The following KIF26B variants were observed in gnomAD, a reference collection of about 807,000 sequenced individuals.
The protein encoded by KIF26B is kinesin-like protein KIF26B.
KIF26B carries 63 observed loss-of-function variants against 151.2 expected under a neutral mutation model. The ratio of observed to expected loss-of-function variants is 0.42; its 90% CI spans 0.34 to 0.51. KIF26B has a LOEUF of 0.51. KIF26B is among the 20% of genes least tolerant of loss of function. The probability of loss-of-function intolerance (pLI) is 0.07; values close to 1 mark genes in which losing one functional copy is unlikely to be tolerated. For synonymous variants in KIF26B, 1,357 were observed against 1,262.1 expected (o/e 1.08, Z -1.59); for missense variants, 2,813 against 2,913.6 (o/e 0.97, Z 0.79).
intron 2 of KIF26B, among the ~76,000 whole-genome samples, chr1:245,235,499 G>T (rs577123676): frequency 6.9e-6 from 1 of 145,358 alleles, no homozygotes; most frequent in African/African-American, 2.8e-5. Flanking sequence ...AGGCAGAGGT[G>T]GGGGGATCGC....
chr1:245,520,120 A>AGAGAGAGAGAGT (rs1418404586), intron 4 of KIF26B, among the ~76,000 whole-genome samples: 8 of 149,668 alleles, frequency 5.3e-5, no homozygotes, highest in Non-Finnish European at 7.5e-5. Context: ...TAACTGAGAG[A>AGAGAGAGAGAGT]GAGAGAGAGA....
chr1:245,354,393 C>T lies in KIF26B; in HGVS notation c.466-12441C>T, dbSNP rs141768910. On this transcript the variant is annotated intron_variant, in intron 2 of 14. Coordinates refer to ENST00000407071, the MANE Select transcript of KIF26B (RefSeq NM_018012.4). ...AAGAGGCAGAGATGCCAATGACAGG[C>T]TCTGTGACCAGCCTCGTAAGCCATG... Among the ~76,000 whole-genome samples, 547 of 152,328 alleles carry T rather than the reference C, an allele frequency of 3.6e-3. 2 individuals are homozygous for T. The highest frequency in any genetic ancestry group is 6.4e-3 in the South Asian group (31 of 4,822).
intron 2 of KIF26B, among the ~76,000 whole-genome samples, chr1:245,173,351 T>C (rs569767058): frequency 1.3e-4 from 19 of 148,224 alleles, no homozygotes; most frequent in Non-Finnish European, 2.4e-4. Context: ...GAGAGGTCAA[T>C]GTTATGTTGT....
rs1305077308 is a variant in KIF26B, at chr1:245,156,328, C to T, written c.110C>T (p.Pro37Leu). 4 of 1,547,492 alleles carry T rather than the reference C, an allele frequency of 2.6e-6. No homozygotes were observed. Among genetic ancestry groups the T allele is most frequent in the African/African-American group, 2.8e-5 (2 of 72,626 alleles). Residue 37 changes from proline (P) to leucine (L), a missense_variant, in exon 2 of 15, where the codon CCG becomes CTG. Pro to Leu is a moderately conservative substitution (Grantham distance 98). Transcript: ENST00000407071. ...ACCAAGCCCGCAGCGCCCTTCTCCC[C>T]GGAAAGCTGGTACCGGAAAGCATAC... ...SPTKPAAPFS[P>L]ESWYRKAYEE... is the part of the protein sequence containing the mutation.
intron 2 of KIF26B, among the ~76,000 whole-genome samples, chr1:245,360,268 C>G (rs899822856): frequency 6.6e-6 from 1 of 152,048 alleles, no homozygotes; most frequent in South Asian, 2.1e-4. Flanking sequence ...ATTGCAAAAG[C>G]GCCAAATCCT....
intron 2 of KIF26B, among the ~76,000 whole-genome samples, chr1:245,351,835 C>T (rs1672574885): frequency 6.6e-6 from 1 of 151,986 alleles, no homozygotes; most frequent in African/African-American, 2.4e-5. Flanking sequence ...TTGTAATACA[C>T]CATAAAGGTT....
At chr1:245,246,086 C>G (rs1193097716) in intron 2 of KIF26B, among the ~76,000 whole-genome samples, 1 of 121,326 alleles carries the variant, frequency 8.2e-6, no homozygotes, top group Non-Finnish European at 1.7e-5. Flanking sequence ...AGCGAGACTC[C>G]GTCTCAAAAA....
chr1:245,590,065 T>C (rs1194622771), intron 5 of KIF26B, among the ~76,000 whole-genome samples: 1 of 152,092 alleles, frequency 6.6e-6, no homozygotes, highest in African/African-American at 2.4e-5. Context: ...ATGAGTGAGC[T>C]TTACTCATGT....
chr1:245,457,478 A>G (rs1466259317), intron 4 of KIF26B, among the ~76,000 whole-genome samples: 1 of 152,264 alleles, frequency 6.6e-6, no homozygotes, highest in East Asian at 1.9e-4. Flanking sequence ...GAATGATATT[A>G]GAAAGATTTT....
chr1:245,176,188 G>A (rs1355412311), intron 2 of KIF26B, among the ~76,000 whole-genome samples: 1 of 151,872 alleles, frequency 6.6e-6, no homozygotes, highest in South Asian at 2.1e-4. Flanking sequence ...TAGTAGAGAC[G>A]GGGTTTCTCC....
intron 2 of KIF26B, among the ~76,000 whole-genome samples, chr1:245,280,120 C>T (rs552991815): frequency 6.6e-5 from 10 of 151,926 alleles, no homozygotes; most frequent in Non-Finnish European, 1.0e-4. Context: ...CCCCATTGGG[C>T]GCCCCATTTC....
chr1:245,590,856 A>T (rs2043280524), intron 5 of KIF26B, among the ~76,000 whole-genome samples: 3 of 149,482 alleles, frequency 2.0e-5, no homozygotes, highest in Admixed American at 2.0e-4. Flanking sequence ...TGCAGTGAGC[A>T]GAGCTCACAC....
intron 2 of KIF26B, among the ~76,000 whole-genome samples, chr1:245,266,118 T>C (rs535525974): frequency 8.5e-5 from 13 of 152,086 alleles, no homozygotes; most frequent in Non-Finnish European, 1.6e-4. Flanking sequence ...AAGAAAAAGA[T>C]ACTCAAAAGA....
At chr1:245,562,004 G>A (rs745674229) in intron 5 of KIF26B, among the ~76,000 whole-genome samples, 21 of 152,248 alleles carry the variant, frequency 1.4e-4, no homozygotes, top group Admixed American at 2.0e-4. Context: ...TTCTCCCAGG[G>A]CCGTTGCGGA....
rs145614762 is a variant in KIF26B, at chr1:245,707,736, C to T, written c.*5130C>T. On this transcript the variant is annotated 3_prime_UTR_variant, in exon 15 of 15. Transcript: ENST00000407071. Reference sequence around the variant, plus strand: ...GCTTAGTTCAAAATCTAAGCTGTTTCTGTAGTAAGCAGCCAAATGGGAAAG... The same window carrying T: ...GCTTAGTTCAAAATCTAAGCTGTTTTTGTAGTAAGCAGCCAAATGGGAAAG... The T allele has an allele frequency of 3.2e-4, 48 of 152,304 alleles. No homozygotes were observed. The highest frequency in any genetic ancestry group is 1.1e-3 in the African/African-American group (47 of 41,558). 9.4% of individuals were successfully genotyped at this position (152,304 alleles called of 1,614,324 possible). A position where few individuals can be genotyped will look rare whatever the true frequency, so the allele number is the denominator to read the frequency against.
intron 2 of KIF26B, among the ~76,000 whole-genome samples, chr1:245,350,813 A>G (rs1249860815): frequency 6.6e-6 from 1 of 152,168 alleles, no homozygotes; most frequent in Non-Finnish European, 1.5e-5. Context: ...AGACAATTCC[A>G]AGATCGCAGT....
chr1:245,618,695 T>C (rs2043621240), intron 9 of KIF26B, among the ~76,000 whole-genome samples: 1 of 135,138 alleles, frequency 7.4e-6, no homozygotes, highest in Non-Finnish European at 1.6e-5. Context: ...TGAGACAGAG[T>C]GCCACAGTGC....
chr1:245,341,020 T>G (rs1672321948), intron 2 of KIF26B, among the ~76,000 whole-genome samples: 1 of 152,114 alleles, frequency 6.6e-6, no homozygotes, highest in Non-Finnish European at 1.5e-5. Context: ...TATTGACACT[T>G]TTCATTTCTA....
chr1:245,399,500 GC>G (rs1357659634), intron 3 of KIF26B, among the ~76,000 whole-genome samples: 2 of 152,294 alleles, frequency 1.3e-5, no homozygotes, highest in Non-Finnish European at 2.9e-5. Flanking sequence ...CCGACTTATT[GC>G]CAAGGAGATC....
Sources: allele counts gnomAD v4.1 joint callset (sites outside exome capture counted in the v4.1 genomes callset), GRCh38; gene constraint gnomAD v4.1.1; transcripts MANE v1.5; gene names NCBI Gene and HGNC (gene_info 2026-07-23, HGNC 2026-07-21).